The following RAD18 variants were observed in gnomAD, a reference collection of about 807,000 sequenced individuals.
RAD18 encodes RAD18 E3 ubiquitin protein ligase.
In RAD18, 47 loss-of-function variants were observed where a neutral mutation model predicts 60.4. The ratio of observed to expected loss-of-function variants is 0.78; its 90% CI spans 0.62 to 0.99. The LOEUF is 0.99. Among genes scored for constraint, RAD18 ranks in the 50% least tolerant of loss-of-function variants. The pLI is 0.00. For missense variants in RAD18, 640 were observed against 593.3 expected, an observed-to-expected ratio of 1.08 and a Z score of -0.82; for synonymous variants, 225 against 195.5, an observed-to-expected ratio of 1.15 and a Z score of -1.26.
chr3:8,913,808 G>T (rs186521681), intron 7 of RAD18, 88 bp from the exon 8 acceptor site: 10 of 798,498 alleles, frequency 1.3e-5, no homozygotes, highest in East Asian at 5.8e-5. Context: ...AACATTAGAA[G>T]AAGATGGGTG....
intron 3 of RAD18, 30 bp from the exon 4 acceptor site, chr3:8,947,320 G>A (rs531771458): frequency 1.3e-6 from 2 of 1,516,602 alleles, no homozygotes; most frequent in Admixed American, 1.7e-5. Context: ...GATGGAAAAA[G>A]GTCAAAAACA....
chr3:8,948,988 T>C (rs921901985), intron 2 of RAD18, among the ~76,000 whole-genome samples: 3 of 152,186 alleles, frequency 2.0e-5, no homozygotes, highest in Non-Finnish European at 4.4e-5. Flanking sequence ...GACTTCTATA[T>C]CTTAATTCTG....
At chr3:8,915,647 G>A (rs981978722) in intron 7 of RAD18, among the ~76,000 whole-genome samples, 8 of 150,332 alleles carry the variant, frequency 5.3e-5, no homozygotes, top group African/African-American at 1.2e-4. Context: ...GCAGTGGCGC[G>A]ATCTCGGCTC....
intron 7 of RAD18, among the ~76,000 whole-genome samples, chr3:8,925,224 G>A (rs1452233822): frequency 1.3e-5 from 2 of 151,866 alleles, no homozygotes; most frequent in African/African-American, 4.8e-5. Context: ...AATGATAAAG[G>A]GGATATCACC....
Position 8,963,401 on chromosome 3 carries a change from T to C in RAD18, c.-16A>G, listed in dbSNP as rs45472898. On this transcript the variant is annotated 5_prime_UTR_variant, in exon 1 of 13. Transcript: ENST00000264926. ...GGGAGTCCATGGTCGCTCCCGAGGA[T>C]GCTGGGGGTCAGCCACCCACTAGCC... 4.8e-3 allele frequency: 7,519 copies of C among 1,578,296 alleles called. 298 individuals are homozygous for C. In the Admixed American group the frequency reaches 0.087, roughly 18 times the overall value.
chr3:8,892,450 T>C (rs1054546276), intron 11 of RAD18, among the ~76,000 whole-genome samples: 2 of 152,206 alleles, frequency 1.3e-5, no homozygotes, highest in African/African-American at 2.4e-5. Flanking sequence ...TCGATGGAAT[T>C]CCCAACCTTG....
chr3:8,882,865 T>C (rs914151154), intron 12 of RAD18, among the ~76,000 whole-genome samples: 2 of 152,176 alleles, frequency 1.3e-5, no homozygotes, highest in Non-Finnish European at 2.9e-5. Context: ...AATGACCCAG[T>C]AGAAGGATGT....
In RAD18 at chr3:8,952,079, G is replaced by A. The variant is rs894711682; in HGVS notation, c.134-3509C>T. The stretch of plus-strand genomic sequence containing the variant: ...TCAAACACCAACACATTGGGGTTGG[G>A]GCTTCGACATAGGACTTTAGGGGGG... On this transcript the variant is annotated intron_variant, in intron 2 of 12. Transcript: ENST00000264926. Among the ~76,000 whole-genome samples, 5 of 152,128 alleles carry A rather than the reference G, an allele frequency of 3.3e-5. No homozygotes were observed. In the South Asian group the frequency reaches 8.3e-4, roughly 25 times the overall value.
In RAD18 at chr3:8,912,351, G is replaced by A; in HGVS notation, c.988C>T (p.Gln330Ter). The part of the protein sequence containing the change: ...NESVMVFTKD[Q>*]TEKEIDEIHS... The stretch of plus-strand genomic sequence containing the variant: ...ATTTCATCTATTTCCTTTTCTGTTT[G>A]GTCCTTTGTAAAAACCATTACCTAA... Residue 330 changes from glutamine (Q) to a stop codon, truncating the protein, a stop_gained, in exon 9 of 13, where the codon CAA becomes TAA. Transcript: ENST00000264926. LOFTEE classifies it high-confidence loss of function. 1 of 1,560,376 alleles carries A rather than the reference G, an allele frequency of 6.4e-7. No individual in the cohort carries two copies. The highest frequency in any genetic ancestry group is 8.6e-7 in the Non-Finnish European group (1 of 1,156,162).
In RAD18 at chr3:8,957,795, T is replaced by C. The variant is rs530337051; in HGVS notation, c.133+1125A>G. On this transcript the variant is annotated intron_variant, in intron 2 of 12. Transcript: ENST00000264926. ...ACTGACTGAGATGGGGAGAAATTTA[T>C]CAGATAATGAAAATGTTCAGTATCT... Among the ~76,000 whole-genome samples, 195 of 152,328 alleles carry C rather than the reference T, an allele frequency of 1.3e-3. 1 individual carries two copies. The highest frequency in any genetic ancestry group is 2.5e-3 in the Non-Finnish European group (171 of 68,032).
intron 2 of RAD18, among the ~76,000 whole-genome samples, chr3:8,956,869 A>C (rs1419103661): frequency 6.6e-6 from 1 of 152,206 alleles, no homozygotes; most frequent in Admixed American, 6.5e-5. Flanking sequence ...TAATGGTAAA[A>C]GACTGAATGC....
chr3:8,882,120 C>T (rs1440306684), intron 12 of RAD18, among the ~76,000 whole-genome samples: 1 of 134,130 alleles, frequency 7.5e-6, no homozygotes, highest in Non-Finnish European at 1.6e-5. Context: ...ACTTCAGTGG[C>T]TACGGGGGAC....
At chr3:8,907,859 G>A (rs894270635) in intron 9 of RAD18, among the ~76,000 whole-genome samples, 1 of 152,198 alleles carries the variant, frequency 6.6e-6, no homozygotes, top group African/African-American at 2.4e-5. Flanking sequence ...CAGGGGCTAG[G>A]ACACTGCTAC....
chr3:8,905,061 A>G (rs746228056), intron 9 of RAD18, among the ~76,000 whole-genome samples: 1 of 152,238 alleles, frequency 6.6e-6, no homozygotes, highest in Non-Finnish European at 1.5e-5. Flanking sequence ...AAGACTAGTA[A>G]CATTGTTCCC....
At chr3:8,946,199 C>T (rs962587066) in intron 4 of RAD18, among the ~76,000 whole-genome samples, 3 of 152,158 alleles carry the variant, frequency 2.0e-5, no homozygotes, top group African/African-American at 7.2e-5. Context: ...TTTCCCTGTA[C>T]TTTTTCTATG....
chr3:8,930,048 C>G (rs752314314), intron 7 of RAD18, among the ~76,000 whole-genome samples: 1 of 152,162 alleles, frequency 6.6e-6, no homozygotes, highest in Non-Finnish European at 1.5e-5. Context: ...AATTACCATA[C>G]TACTCAGCAA....
In RAD18 at chr3:8,907,257, T is replaced by C. The variant is rs974040061; in HGVS notation, c.1028-4737A>G. On this transcript the variant is annotated intron_variant, in intron 9 of 12. Transcript: ENST00000264926. ...TCCTTTGTGGCCAGTATCTTGAAAATTGCTATTTCATATGTTTTGTACATT... is the reference window on the plus strand; with the variant it reads ...TCCTTTGTGGCCAGTATCTTGAAAACTGCTATTTCATATGTTTTGTACATT... Among the ~76,000 whole-genome samples, 11 of 152,214 alleles carry C rather than the reference T, an allele frequency of 7.2e-5. No homozygotes were observed. The East Asian group carries it at 1.2e-3, about 16-fold the overall frequency.
chr3:8,957,386 G>T lies in RAD18; in HGVS notation c.133+1534C>A, dbSNP rs1408523109. ...TCCTAAAAAAAACGAAGAAAAAAAA[G>T]TTGGAGGACTTACAATGCCTGACTT... On this transcript the variant is annotated intron_variant, in intron 2 of 12. Transcript: ENST00000264926. Among the ~76,000 whole-genome samples the T allele has an allele frequency of 2.0e-5, 3 of 152,258 alleles. No individual in the cohort carries two copies. The East Asian group carries it at 5.8e-4, about 29-fold the overall frequency.
intron 4 of RAD18, among the ~76,000 whole-genome samples, chr3:8,942,635 G>C (rs1056740203): frequency 2.0e-5 from 3 of 152,182 alleles, no homozygotes; most frequent in Admixed American, 6.5e-5. Flanking sequence ...CATTTTCTAG[G>C]AATGGGTACT....
Sources: gnomAD v4.1 joint callset for allele counts (sites outside exome capture counted in the v4.1 genomes callset) on GRCh38, gnomAD v4.1.1 for gene constraint, MANE v1.5 for transcripts, NCBI Gene and HGNC (gene_info 2026-07-23, HGNC 2026-07-21) for gene names.